EHBP1: variants seen among roughly 807,000 people sequenced by gnomAD.
The protein encoded by EHBP1 is EH domain-binding protein 1.
In EHBP1, 55 loss-of-function variants were observed where a neutral mutation model predicts 144.0. That is an observed-to-expected ratio of 0.38 (90% CI 0.31 to 0.48). The LOEUF (loss-of-function observed/expected upper bound fraction) is 0.48. Ranked by LOEUF, EHBP1 falls within the 20% of genes least tolerant of loss-of-function variation. The pLI is 0.98. For missense variants in EHBP1, 1,200 were observed against 1,364.2 expected, an observed-to-expected ratio of 0.88 and a Z score of 1.90; for synonymous variants, 469 against 472.7, an observed-to-expected ratio of 0.99 and a Z score of 0.10.
chr2:62,723,151 T>G (rs1433407806), intron 2 of EHBP1, among the ~76,000 whole-genome samples: 1 of 152,198 alleles, frequency 6.6e-6, no homozygotes, highest in African/African-American at 2.4e-5. Context: ...AGAAATTGCT[T>G]TATGAATTGG....
chr2:62,944,986 A>G (rs1477912150), intron 12 of EHBP1, among the ~76,000 whole-genome samples: 2 of 152,272 alleles, frequency 1.3e-5, no homozygotes, highest in Non-Finnish European at 2.9e-5. Context: ...GGGAAAAAAT[A>G]CATTTTACTT....
At chr2:62,935,344 A>AAAAAAAT (rs1553479000) in intron 10 of EHBP1, among the ~76,000 whole-genome samples, 1 of 121,486 alleles carries the variant, frequency 8.2e-6, no homozygotes, top group African/African-American at 3.2e-5. Flanking sequence ...AAAAAAAAAA[A>AAAAAAAT]ATATATATAT....
At chr2:62,781,033 G>C (rs1033850731) in intron 5 of EHBP1, among the ~76,000 whole-genome samples, 3 of 152,130 alleles carry the variant, frequency 2.0e-5, no homozygotes, top group Non-Finnish European at 4.4e-5. Context: ...TTAATAAATA[G>C]ATATCATGTG....
upstream of EHBP1, among the ~76,000 whole-genome samples, chr2:62,705,061 C>G (rs2034415500): frequency 1.3e-5 from 2 of 152,162 alleles, no homozygotes; most frequent in Admixed American, 1.3e-4. Flanking sequence ...CTGATTCAAT[C>G]CCACTGAAGA....
At chr2:62,683,745 G>A (rs529114516) in intron 1 of EHBP1, among the ~76,000 whole-genome samples, 3 of 151,710 alleles carry the variant, frequency 2.0e-5, no homozygotes, top group Admixed American at 2.0e-4. Flanking sequence ...AAAGAAGGGG[G>A]AATTAATGTC....
At chr2:63,007,973 C>A (rs189280424) in intron 19 of EHBP1, among the ~76,000 whole-genome samples, 7 of 151,782 alleles carry the variant, frequency 4.6e-5, no homozygotes, top group East Asian at 1.9e-4. Flanking sequence ...TCCCCTCCCC[C>A]ATATGTGCAG....
At chr2:62,892,571 A>G (rs1179441937) in intron 10 of EHBP1, among the ~76,000 whole-genome samples, 2 of 152,094 alleles carry the variant, frequency 1.3e-5, no homozygotes, top group Admixed American at 6.5e-5. Flanking sequence ...AAATTTGATC[A>G]TGTGTTATTC....
At chr2:62,962,880 T>C (rs866827134) in intron 14 of EHBP1, among the ~76,000 whole-genome samples, 3 of 152,250 alleles carry the variant, frequency 2.0e-5, no homozygotes, top group Admixed American at 6.5e-5. Flanking sequence ...AATGCTATTA[T>C]AAAACAGACT....
chr2:62,866,645 G>A (rs1426670792), intron 9 of EHBP1, among the ~76,000 whole-genome samples: 2 of 151,898 alleles, frequency 1.3e-5, no homozygotes, highest in East Asian at 3.9e-4. Context: ...TACTGCAAAA[G>A]GAAATACTAG....
chr2:62,742,214 ATATCTC>A (rs1305497622), intron 2 of EHBP1, among the ~76,000 whole-genome samples: 1 of 152,066 alleles, frequency 6.6e-6, no homozygotes, highest in East Asian at 1.9e-4. Context: ...TTCTCAGACT[ATATCTC>A]TATCTATCGT....
chr2:62,690,054 T>C (rs1473423244), intron 1 of EHBP1, among the ~76,000 whole-genome samples: 9 of 152,348 alleles, frequency 5.9e-5, no homozygotes, highest in Middle Eastern at 3.4e-3. Flanking sequence ...TTGTCTATAA[T>C]AGTTGAAGTT....
At chr2:62,966,224 A>T (rs1228840644) in intron 14 of EHBP1, among the ~76,000 whole-genome samples, 1 of 152,204 alleles carries the variant, frequency 6.6e-6, no homozygotes, top group Non-Finnish European at 1.5e-5. Flanking sequence ...AAGTTATCTG[A>T]AAATACCTCT....
At chr2:62,707,532 A>G (rs763471711) in intron 2 of EHBP1, among the ~76,000 whole-genome samples, 3 of 152,210 alleles carry the variant, frequency 2.0e-5, no homozygotes, top group Admixed American at 6.5e-5. Flanking sequence ...CTGTGAGAGC[A>G]CACTAAATAC....
chr2:62,760,665 T>C (rs560020885), intron 3 of EHBP1, among the ~76,000 whole-genome samples: 1 of 152,202 alleles, frequency 6.6e-6, no homozygotes, highest in African/African-American at 2.4e-5. Flanking sequence ...TTGATCACTG[T>C]GTCATACACT....
At chr2:62,838,514 G>A (rs2047496039) in intron 7 of EHBP1, among the ~76,000 whole-genome samples, 1 of 152,094 alleles carries the variant, frequency 6.6e-6, no homozygotes, top group African/African-American at 2.4e-5. Context: ...AGGAAATAGA[G>A]ACACAAAAAG....
chr2:62,912,811 T>A (rs1447916946), intron 10 of EHBP1, among the ~76,000 whole-genome samples: 2 of 152,140 alleles, frequency 1.3e-5, no homozygotes, highest in African/African-American at 4.8e-5. Context: ...AAAACAAGCT[T>A]ATATATTCCA....
chr2:62,705,066 T>C (rs538882213), upstream of EHBP1, among the ~76,000 whole-genome samples: 1 of 152,232 alleles, frequency 6.6e-6, no homozygotes. Context: ...TCAATCCCAC[T>C]GAAGACCAGT....
At chr2:62,691,377 G>T (rs752097272) in intron 1 of EHBP1, among the ~76,000 whole-genome samples, 2 of 152,072 alleles carry the variant, frequency 1.3e-5, no homozygotes, top group East Asian at 3.9e-4. Flanking sequence ...TCTGTATCCC[G>T]TCAACAGAAA....
At chr2:62,840,673 G>C (rs2047750027) in intron 7 of EHBP1, among the ~76,000 whole-genome samples, 1 of 151,306 alleles carries the variant, frequency 6.6e-6, no homozygotes, top group African/African-American at 2.4e-5. Flanking sequence ...TCAAAAAGTG[G>C]GCGAAGGACA....
Sources: allele counts gnomAD v4.1 joint callset (sites outside exome capture counted in the v4.1 genomes callset), GRCh38; gene constraint gnomAD v4.1.1; transcripts MANE v1.5; gene names NCBI Gene and HGNC (gene_info 2026-07-23, HGNC 2026-07-21).